LRP1B: variants seen among roughly 807,000 people sequenced by gnomAD.
LRP1B encodes the protein low-density lipoprotein receptor-related protein 1B.
A neutral mutation model predicts 556.6 loss-of-function variants in LRP1B; 217 were observed. The ratio of observed to expected loss-of-function variants is 0.39; its 90% confidence interval spans 0.35 to 0.44. The LOEUF (loss-of-function observed/expected upper bound fraction) is 0.44, where lower values mean the gene tolerates loss of function less well. Among genes scored for constraint, LRP1B ranks in the 20% least tolerant of loss-of-function variants. The pLI is 1.00. For missense variants in LRP1B, 5,053 were observed against 5,620.8 expected (o/e 0.90, Z 3.23); for synonymous variants, 2,047 against 1,865.8 (o/e 1.10, Z -2.50).
At chr2:140,792,557 T>C (rs1048167214) in intron 32 of LRP1B, among the ~76,000 whole-genome samples, 3 of 152,182 alleles carry the variant, frequency 2.0e-5, no homozygotes, top group East Asian at 1.9e-4. Context: ...GTCTTTATTA[T>C]TGTGTTCAGA....
At chr2:140,251,939 CTT>C (rs1258102711) in intron 86 of LRP1B, among the ~76,000 whole-genome samples, 1 of 150,880 alleles carries the variant, frequency 6.6e-6, no homozygotes, top group South Asian at 2.1e-4. Context: ...AAATTACACT[CTT>C]TTGGTGGTGA....
chr2:140,530,557 G>A (rs1199227712), intron 47 of LRP1B, among the ~76,000 whole-genome samples: 3 of 152,028 alleles, frequency 2.0e-5, no homozygotes, highest in African/African-American at 7.2e-5. Context: ...AACTTAAAAT[G>A]AGAGAAAAAT....
intron 47 of LRP1B, among the ~76,000 whole-genome samples, chr2:140,529,392 C>T (rs1345994870): frequency 6.6e-6 from 1 of 150,460 alleles, no homozygotes; most frequent in East Asian, 2.0e-4. Context: ...TTCTCTCTTC[C>T]AACATCCCTT....
At chr2:140,661,105 T>G (rs905416871) in intron 41 of LRP1B, among the ~76,000 whole-genome samples, 1 of 152,146 alleles carries the variant, frequency 6.6e-6, no homozygotes, top group African/African-American at 2.4e-5. Context: ...TATTAAATTA[T>G]GTAGCAATCA....
In LRP1B at chr2:142,059,449, G is replaced by A. The variant is rs534710580; in HGVS notation, c.82+71199C>T. Reference sequence around the variant, plus strand: ...AAGTGACCATACTAATTGACAAAATGGTTTTTGGGGAAGAACTTAGTATAG... The same window carrying A: ...AAGTGACCATACTAATTGACAAAATAGTTTTTGGGGAAGAACTTAGTATAG... On this transcript the variant is annotated intron_variant, in intron 1 of 90. Coordinates refer to ENST00000389484, the MANE Select transcript of LRP1B (RefSeq NM_018557.3). Among the ~76,000 whole-genome samples the A allele has an allele frequency of 1.6e-3, 244 of 152,122 alleles. 1 individual carries two copies. The highest frequency in any genetic ancestry group is 2.8e-3 in the Non-Finnish European group (188 of 67,974).
At chr2:142,104,496 C>A (rs541361008) in intron 1 of LRP1B, among the ~76,000 whole-genome samples, 1 of 152,200 alleles carries the variant, frequency 6.6e-6, no homozygotes, top group African/African-American at 2.4e-5. Flanking sequence ...CAAATAGTTT[C>A]TTTAAAGCTG....
chr2:141,158,022 T>C (rs1343868906), intron 7 of LRP1B, among the ~76,000 whole-genome samples: 1 of 152,138 alleles, frequency 6.6e-6, no homozygotes, highest in Non-Finnish European at 1.5e-5. Flanking sequence ...TATTAAAAGG[T>C]TTTTTAATGT....
At chr2:141,693,654 G>A (rs1376875066) in intron 2 of LRP1B, among the ~76,000 whole-genome samples, 1 of 151,996 alleles carries the variant, frequency 6.6e-6, no homozygotes, top group African/African-American at 2.4e-5. Context: ...TTTTCAAGGA[G>A]TACTAGATTT....
chr2:141,829,626 T>A (rs1697047411), intron 1 of LRP1B, among the ~76,000 whole-genome samples: 1 of 152,174 alleles, frequency 6.6e-6, no homozygotes, highest in Admixed American at 6.6e-5. Context: ...ATTTCTGGAC[T>A]CTAAAACAAG....
intron 35 of LRP1B, among the ~76,000 whole-genome samples, chr2:140,760,818 G>A (rs1212948844): frequency 6.6e-6 from 1 of 152,104 alleles, no homozygotes; most frequent in Non-Finnish European, 1.5e-5. Context: ...GAACCCGGGA[G>A]GCGGAAGTTG....
At chr2:140,280,028 G>C (rs1341000625) in intron 84 of LRP1B, among the ~76,000 whole-genome samples, 15 of 151,644 alleles carry the variant, frequency 9.9e-5, no homozygotes, top group Non-Finnish European at 1.9e-4. Flanking sequence ...ATAGCCTTCG[G>C]ATTTATTTTT....
At chr2:142,042,412 T>G (rs1005446361) in intron 1 of LRP1B, among the ~76,000 whole-genome samples, 1 of 151,398 alleles carries the variant, frequency 6.6e-6, no homozygotes, top group African/African-American at 2.4e-5. Context: ...TTCTGAATGT[T>G]TCAAGCAGAA....
At chr2:140,745,612 C>T (rs1688289113) in intron 35 of LRP1B, among the ~76,000 whole-genome samples, 1 of 152,092 alleles carries the variant, frequency 6.6e-6, no homozygotes, top group South Asian at 2.1e-4. Context: ...AGTTCACCCT[C>T]TCTTTCTTTC....
At chr2:141,622,182 C>T (rs553096106) in intron 2 of LRP1B, among the ~76,000 whole-genome samples, 40 of 152,110 alleles carry the variant, frequency 2.6e-4, no homozygotes, top group African/African-American at 7.5e-4. Flanking sequence ...TGAGCCACCG[C>T]GCCTGGCTCA....
intron 29 of LRP1B, among the ~76,000 whole-genome samples, chr2:140,848,849 A>G (rs1161167580): frequency 1.3e-5 from 2 of 152,052 alleles, no homozygotes; most frequent in Non-Finnish European, 2.9e-5. Context: ...AAAATTTAGA[A>G]CTCCACCATG....
intron 32 of LRP1B, among the ~76,000 whole-genome samples, chr2:140,794,196 T>C (rs1690218702): frequency 6.6e-6 from 1 of 152,122 alleles, no homozygotes; most frequent in African/African-American, 2.4e-5. Context: ...GGCAGTAAAT[T>C]ATTTGGAAAT....
At chr2:140,417,705 G>A (rs965271818) in intron 66 of LRP1B, among the ~76,000 whole-genome samples, 1 of 152,006 alleles carries the variant, frequency 6.6e-6, no homozygotes, top group Non-Finnish European at 1.5e-5. Flanking sequence ...TCACTACTCA[G>A]GTCAAAGAGG....
At chr2:142,048,697 T>G (rs1704342246) in intron 1 of LRP1B, among the ~76,000 whole-genome samples, 1 of 152,040 alleles carries the variant, frequency 6.6e-6, no homozygotes, top group African/African-American at 2.4e-5. Context: ...TCGTGGAAAG[T>G]CTTTTATAAC....
intron 19 of LRP1B, 49 bp downstream of exon 19, chr2:140,951,811 C>T (rs1559213695): frequency 6.8e-7 from 1 of 1,462,466 alleles, no homozygotes. Flanking sequence ...GTCCAGACCG[C>T]CAAGCCCCCG....
Sources: allele counts gnomAD v4.1 joint callset (sites outside exome capture counted in the v4.1 genomes callset), GRCh38; gene constraint gnomAD v4.1.1; transcripts MANE v1.5; gene names NCBI Gene and HGNC (gene_info 2026-07-23, HGNC 2026-07-21).